The following ZFPM1 variants were observed in gnomAD, a reference collection of about 807,000 sequenced individuals.
The protein encoded by ZFPM1 is zinc finger protein ZFPM1.
Under a neutral mutation model 46.3 loss-of-function variants are expected in ZFPM1, and 28 were observed. That is an observed-to-expected ratio of 0.60 (90% CI 0.45 to 0.83). The LOEUF (loss-of-function observed/expected upper bound fraction) is 0.83. Ranked by LOEUF, ZFPM1 falls within the 40% of genes least tolerant of loss-of-function variation. The pLI, the probability that ZFPM1 is intolerant of heterozygous loss-of-function variation, is 0.00. For missense variants in ZFPM1, 1,878 were observed against 1,432.4 expected, an observed-to-expected ratio of 1.31 and a Z score of -5.02; for synonymous variants, 957 against 675.9, an observed-to-expected ratio of 1.42 and a Z score of -6.45.
intron 1 of ZFPM1, among the ~76,000 whole-genome samples, chr16:88,456,369 A>G (rs1289173313): frequency 6.6e-6 from 1 of 152,096 alleles, no homozygotes; most frequent in African/African-American, 2.4e-5. Flanking sequence ...AGCAAGAACC[A>G]AGTGTACACT....
chr16:88,456,969 C>T (rs935809455), intron 1 of ZFPM1, among the ~76,000 whole-genome samples: 7 of 152,194 alleles, frequency 4.6e-5, no homozygotes, highest in African/African-American at 1.2e-4. Context: ...TATTCCAGCC[C>T]AGGCAGCTGC....
chr16:88,459,288 T>C (rs952314230), intron 1 of ZFPM1, among the ~76,000 whole-genome samples: 6 of 152,120 alleles, frequency 3.9e-5, no homozygotes, highest in South Asian at 2.1e-4. Flanking sequence ...CTCCCGGAAC[T>C]CTGTCAGATA....
intron 4 of ZFPM1, among the ~76,000 whole-genome samples, chr16:88,521,729 CCT>C (rs1446169530): frequency 2.9e-5 from 3 of 104,178 alleles, no homozygotes; most frequent in Admixed American, 9.7e-5. Context: ...TTCCCCCTCC[CCT>C]GTGCTGTTCC....
intron 2 of ZFPM1, 73 bp downstream of exon 2, chr16:88,486,116 A>ACACC: frequency 6.9e-7 from 1 of 1,448,902 alleles, no homozygotes; most frequent in Non-Finnish European, 9.4e-7. Context: ...ATGCCCTCAG[A>ACACC]GCTCAGTGGT....
intron 1 of ZFPM1, among the ~76,000 whole-genome samples, chr16:88,482,877 G>A (rs76807471): frequency 0.025 from 3,867 of 152,286 alleles, 156 homozygotes; most frequent in African/African-American, 0.088. Context: ...GGGGATGGCC[G>A]AGCACCTCCT....
Position 88,532,916 on chromosome 16 carries a change from A to C in ZFPM1, c.1170A>C (p.Pro390=). The C allele has an allele frequency of 6.2e-7, 1 of 1,613,120 alleles. No individual in the cohort carries two copies. The highest frequency in any genetic ancestry group is 2.2e-5 in the East Asian group (1 of 44,878). ...TCTACTCGCCAGGGGCCGGACACCC[A>C]GCAACCAAGCTGCCCCCAGGTGAGC... The part of the protein sequence containing the change: ...GEIYSPGAGH[P]ATKLPPDSLG... Residue 390 remains proline, a synonymous_variant, in exon 9 of 10, where the codon CCA becomes CCC. Transcript: ENST00000319555.
chr16:88,510,684 G>C (rs915060951), intron 3 of ZFPM1, among the ~76,000 whole-genome samples: 2 of 152,090 alleles, frequency 1.3e-5, no homozygotes, highest in African/African-American at 4.8e-5. Flanking sequence ...GACCCGTCTA[G>C]AGATGGGGAA....
At chr16:88,511,769 G>A (rs1251500059) in intron 3 of ZFPM1, among the ~76,000 whole-genome samples, 1 of 152,186 alleles carries the variant, frequency 6.6e-6, no homozygotes, top group African/African-American at 2.4e-5. Context: ...CTGCACAAGG[G>A]CACCTGGGGT....
chr16:88,506,441 G>A (rs2142412032), intron 3 of ZFPM1, among the ~76,000 whole-genome samples: 1 of 151,794 alleles, frequency 6.6e-6, no homozygotes, highest in African/African-American at 2.4e-5. Flanking sequence ...GTCTTGTGCT[G>A]GGGCTTAACT....
rs1418323124 is a variant in ZFPM1 at position 88,534,640 on chromosome 16, G to T, written c.2682G>T (p.Thr894=). Residue 894 remains threonine, a synonymous_variant, in exon 10 of 10, where the codon ACG becomes ACT. Transcript: ENST00000319555. ...CCGGCCCGGGGGTCGAGGCCCGGAC[G>T]CCGGCCGACCGCGGCCCCTCGCCCG... ...PLAGPGVEAR[T]PADRGPSPAP... 6.7e-6 allele frequency: 7 copies of T among 1,051,290 alleles called. No homozygotes were observed. In the African/African-American group the frequency reaches 1.2e-4, roughly 18 times the overall value. The allele number at this position is 1,051,290 out of a possible 1,614,324, so 65.1% of individuals were successfully genotyped here.
chr16:88,530,102 G>A (rs1047243552), intron 6 of ZFPM1, among the ~76,000 whole-genome samples: 5 of 152,124 alleles, frequency 3.3e-5, no homozygotes, highest in Non-Finnish European at 5.9e-5. Flanking sequence ...GAGGGGATGG[G>A]AGGCCATTGC....
At chr16:88,466,515 G>A (rs569650010) in intron 1 of ZFPM1, among the ~76,000 whole-genome samples, 6 of 152,264 alleles carry the variant, frequency 3.9e-5, no homozygotes, top group Admixed American at 2.6e-4. Context: ...GGGCTCACCC[G>A]TACCTTTCAG....
intron 6 of ZFPM1, among the ~76,000 whole-genome samples, chr16:88,530,204 C>T (rs929097194): frequency 6.6e-6 from 1 of 152,196 alleles, no homozygotes; most frequent in Non-Finnish European, 1.5e-5. Context: ...CTGATAACGC[C>T]AGTAAGACAG....
intron 4 of ZFPM1, among the ~76,000 whole-genome samples, chr16:88,523,875 G>C (rs1019334333): frequency 6.6e-6 from 1 of 152,156 alleles, no homozygotes; most frequent in African/African-American, 2.4e-5. Context: ...CAGGCCAGGC[G>C]CCCCGTCGCG....
At position 88,532,807 on chromosome 16, in the gene ZFPM1, G is replaced by C. The variant is rs200016465; in HGVS notation, c.1061G>C (p.Gly354Ala). ...DTLSGVCHSC[G>A]FISTTRDILY... is the part of the protein sequence containing the mutation. Reference sequence around the variant, plus strand: ...CCCACAGGTGTCTGCCACAGCTGTGGCTTCATCTCCACCACAAGGGACATC... The same window carrying C: ...CCCACAGGTGTCTGCCACAGCTGTGCCTTCATCTCCACCACAAGGGACATC... The change falls in exon 9 of 10, where the codon GGC becomes GCC. Residue 354 changes from glycine (G) to alanine (A), a missense_variant. By Grantham distance (60) the Gly-to-Ala change is moderately conservative. Coordinates refer to ENST00000319555, the MANE Select transcript of ZFPM1 (RefSeq NM_153813.3). 23 of 1,613,182 alleles carry C rather than the reference G, an allele frequency of 1.4e-5. No individual in the cohort carries two copies. Among genetic ancestry groups the C allele is most frequent in the Middle Eastern group, 1.6e-4 (1 of 6,084 alleles).
rs1159031687 is a variant in ZFPM1 at position 88,514,409 on chromosome 16, G to A, written c.291G>A (p.Gln97=). The change falls in exon 4 of 10, where the codon CAG becomes CAA. Residue 97 remains glutamine (Q), a synonymous_variant. Coordinates refer to ENST00000319555, the MANE Select transcript of ZFPM1 (RefSeq NM_153813.3). The stretch of plus-strand genomic sequence containing the variant: ...CAGACGAGCTGGAGCCGGTGGTGCA[G>A]GATGGGCAGAGGCGCATACGGGCCC... The part of the protein sequence containing the change: ...SGPDELEPVV[Q]DGQRRIRARL... The A allele has an allele frequency of 3.2e-6, 5 of 1,564,014 alleles. No individual in the cohort carries two copies. Among genetic ancestry groups the A allele is most frequent in the African/African-American group, 1.4e-5 (1 of 73,826 alleles).
intron 9 of ZFPM1, 97 bp from the exon 10 acceptor site, chr16:88,533,051 T>TTCCC: frequency 1.1e-5 from 15 of 1,351,594 alleles, no homozygotes; most frequent in Non-Finnish European, 1.4e-5. Flanking sequence ...TCTAAACCAC[T>TTCCC]CCCGCCCACC....
At chr16:88,496,117 C>T (rs1180218640) in intron 3 of ZFPM1, among the ~76,000 whole-genome samples, 2 of 152,204 alleles carry the variant, frequency 1.3e-5, no homozygotes, top group Non-Finnish European at 2.9e-5. Context: ...TTCCAGAGGG[C>T]ACCTGGCAGT....
intron 3 of ZFPM1, among the ~76,000 whole-genome samples, chr16:88,512,808 CCAGGTGGGCCAGAGTCG>C (rs1453624422): frequency 6.6e-6 from 1 of 152,092 alleles, no homozygotes; most frequent in African/African-American, 2.4e-5. Flanking sequence ...CGAGGCCTGG[CCAGGTGGGCCAGAGTCG>C]CAGGTACAGC....
Sources: gnomAD v4.1 joint callset for allele counts (sites outside exome capture counted in the v4.1 genomes callset) on GRCh38, gnomAD v4.1.1 for gene constraint, MANE v1.5 for transcripts, NCBI Gene and HGNC (gene_info 2026-07-23, HGNC 2026-07-21) for gene names.